The following MYO1H variants were observed in gnomAD, a reference collection of about 807,000 sequenced individuals.
MYO1H encodes the protein unconventional myosin-Ih.
Under a neutral mutation model 149.3 loss-of-function variants are expected in MYO1H, and 118 were observed. That is an observed-to-expected ratio of 0.79 (90% CI 0.68 to 0.92). The LOEUF (loss-of-function observed/expected upper bound fraction) is 0.92, where lower values mean the gene tolerates loss of function less well. Ranked by LOEUF, MYO1H falls within the 40% of genes least tolerant of loss-of-function variation. The pLI, the probability that MYO1H is intolerant of heterozygous loss-of-function variation, is 0.00. For synonymous variants in MYO1H, 447 were observed against 465.2 expected (o/e 0.96, Z 0.50); for missense variants, 1,212 against 1,280.7 (o/e 0.95, Z 0.82).
intron 28 of MYO1H, among the ~76,000 whole-genome samples, chr12:109,443,912 A>C (rs564166548): frequency 4.5e-4 from 68 of 151,732 alleles, no homozygotes; most frequent in African/African-American, 1.5e-3. Flanking sequence ...AAAAAAAAAA[A>C]CAAAAAACAA....
Position 109,394,259 on chromosome 12 carries a change from A to G in MYO1H, c.290+813A>G, listed in dbSNP as rs752333751. ...CTTCTTAACATGTAACTGACTCTGT[A>G]AAAACAATCTGTTTAGATTTCTCAT... On this transcript the variant is annotated intron_variant, in intron 3 of 31. Transcript: ENST00000310903. Among the ~76,000 whole-genome samples the G allele has an allele frequency of 3.3e-5, 5 of 152,350 alleles. No homozygotes were observed. In the South Asian group the frequency reaches 6.2e-4, roughly 19 times the overall value.
At chr12:109,359,569 G>A (rs1029848037) in intron 1 of MYO1H, 1 of 152,078 alleles carries the variant, frequency 6.6e-6, no homozygotes, top group Non-Finnish European at 1.5e-5. Flanking sequence ...CCTTATAAAT[G>A]GGCCATCTCT....
At chr12:109,400,027 A>C (rs994064356) in intron 5 of MYO1H, among the ~76,000 whole-genome samples, 6 of 152,168 alleles carry the variant, frequency 3.9e-5, no homozygotes, top group Middle Eastern at 3.2e-3. Flanking sequence ...TGGTCATTGA[A>C]GTGCATATGA....
rs117567861 is a variant in MYO1H at position 109,430,694 on chromosome 12, C to T, written c.1950-2203C>T. On this transcript the variant is annotated intron_variant, in intron 19 of 31. Transcript: ENST00000310903. ...CTGTAATCCCAGCACTTTGGGAGGC[C>T]GAAAAGTGATCACCTGAGGTGAGGA... Among the ~76,000 whole-genome samples, 48 of 152,196 alleles carry T rather than the reference C, an allele frequency of 3.2e-4. 4 individuals carry two copies. In the East Asian group the frequency reaches 8.9e-3, roughly 28 times the overall value.
intron 24 of MYO1H, among the ~76,000 whole-genome samples, chr12:109,440,338 C>G (rs1461190025): frequency 6.6e-6 from 1 of 152,074 alleles, no homozygotes; most frequent in Non-Finnish European, 1.5e-5. Flanking sequence ...GCCCAGCCGA[C>G]AGAGTACTTT....
chr12:109,318,737 G>A, the MYO1H span, among the ~76,000 whole-genome samples: 1 of 152,160 alleles, frequency 6.6e-6, no homozygotes, highest in East Asian at 1.9e-4. Flanking sequence ...GACCAGAAGC[G>A]ACTGGGTGGG....
chr12:109,404,212 G>C (rs1046887490), intron 7 of MYO1H, 132 bp downstream of exon 7: 1 of 675,578 alleles, frequency 1.5e-6, no homozygotes, highest in African/African-American at 1.8e-5. Context: ...GTGTGGTGGC[G>C]CACACCTGTA....
chr12:109,325,664 T>A, the MYO1H span, among the ~76,000 whole-genome samples: 1 of 151,840 alleles, frequency 6.6e-6, no homozygotes, highest in Non-Finnish European at 1.5e-5. Flanking sequence ...GGGAGAAAAA[T>A]TTTGCAATCT....
upstream of MYO1H, among the ~76,000 whole-genome samples, chr12:109,345,043 A>G (rs2048098498): frequency 6.6e-6 from 1 of 152,222 alleles, no homozygotes; most frequent in East Asian, 1.9e-4. Flanking sequence ...GAATTATGCA[A>G]TGGTTTCTTA....
chr12:109,332,877 C>A, the MYO1H span, among the ~76,000 whole-genome samples: 1 of 152,184 alleles, frequency 6.6e-6, no homozygotes, highest in Non-Finnish European at 1.5e-5. Flanking sequence ...GCCACCGTGC[C>A]CAGCCTGGTG....
chr12:109,374,063 T>C (rs1024724180), intron 1 of MYO1H, among the ~76,000 whole-genome samples: 5 of 152,256 alleles, frequency 3.3e-5, no homozygotes, highest in African/African-American at 9.6e-5. Context: ...TATACTCTTA[T>C]GTGACTGGCT....
At chr12:109,390,663 T>A (rs1869606734) in intron 2 of MYO1H, among the ~76,000 whole-genome samples, 1 of 150,604 alleles carries the variant, frequency 6.6e-6, no homozygotes, top group South Asian at 2.1e-4. Flanking sequence ...TTCTTGTTTG[T>A]TTGTTTTTTT....
intron 15 of MYO1H, among the ~76,000 whole-genome samples, chr12:109,418,179 C>T (rs117951695): frequency 0.028 from 4,182 of 151,480 alleles, 75 homozygotes; most frequent in Non-Finnish European, 0.039. Context: ...GATACTAGAT[C>T]CTGATCAGAT....
chr12:109,360,526 C>T (rs1868721425), intron 1 of MYO1H, among the ~76,000 whole-genome samples: 1 of 152,150 alleles, frequency 6.6e-6, no homozygotes, highest in Non-Finnish European at 1.5e-5. Flanking sequence ...TTTCTGATGA[C>T]TGTAGGCTAA....
At chr12:109,337,483 G>A in the MYO1H span, among the ~76,000 whole-genome samples, 1 of 152,198 alleles carries the variant, frequency 6.6e-6, no homozygotes, top group East Asian at 1.9e-4. Context: ...TGGCTGGGGA[G>A]GCCTCACAAT....
chr12:109,316,870 C>T, the MYO1H span, among the ~76,000 whole-genome samples: 2 of 152,306 alleles, frequency 1.3e-5, no homozygotes, highest in African/African-American at 2.4e-5. Context: ...AGCTTTGAAA[C>T]CTACCAAGTG....
chr12:109,442,602 C>T (rs2135604532), intron 27 of MYO1H, among the ~76,000 whole-genome samples: 1 of 152,248 alleles, frequency 6.6e-6, no homozygotes, highest in Non-Finnish European at 1.5e-5. Flanking sequence ...TGGGCACTGA[C>T]ACTTGCTTTG....
chr12:109,316,695 A>G, the MYO1H span, among the ~76,000 whole-genome samples: 1 of 152,156 alleles, frequency 6.6e-6, no homozygotes, highest in Non-Finnish European at 1.5e-5. Context: ...TACAATAGGA[A>G]CAATCGCTGA....
At position 109,397,979 on chromosome 12, in the gene MYO1H, G is replaced by A. The variant is rs1404005948; in HGVS notation, c.570+167G>A. ...AGGAAATGCAAATTAAGACCACAAT[G>A]AGATAACATTTTATACCATCTGGAT... On this transcript the variant is annotated intron_variant, in intron 5 of 31. Coordinates refer to ENST00000310903, the Ensembl canonical transcript of MYO1H. Among the ~76,000 whole-genome samples the A allele has an allele frequency of 3.9e-5, 6 of 152,290 alleles. No individual in the cohort carries two copies. The East Asian group carries it at 1.2e-3, about 29-fold the overall frequency.
Sources: allele counts gnomAD v4.1 joint callset (sites outside exome capture counted in the v4.1 genomes callset), GRCh38; gene constraint gnomAD v4.1.1; transcripts MANE v1.5; gene names NCBI Gene and HGNC (gene_info 2026-07-23, HGNC 2026-07-21).